The following CNGB3 variants were observed in gnomAD, a reference collection of about 807,000 sequenced individuals.
CNGB3 encodes the protein cyclic nucleotide gated channel subunit beta 3, also known as cyclic nucleotide-gated channel beta-3.
CNGB3 carries 86 observed loss-of-function variants against 92.8 expected under a neutral mutation model. The ratio of observed to expected loss-of-function variants is 0.93; its 90% CI spans 0.78 to 1.11. The LOEUF (loss-of-function observed/expected upper bound fraction) is 1.11. Ranked by LOEUF, CNGB3 falls within the 50% of genes least tolerant of loss-of-function variation. The pLI, the probability that CNGB3 is intolerant of heterozygous loss-of-function variation, is 0.00. For synonymous variants in CNGB3, 333 were observed against 332.7 expected (o/e 1.00, Z -0.01); for missense variants, 1,026 against 956.8 (o/e 1.07, Z -0.95).
chr8:86,671,084 G>C lies in CNGB3; in HGVS notation c.353C>G (p.Pro118Arg). 1.2e-6 allele frequency: 2 copies of C among 1,613,658 alleles called. No individual in the cohort carries two copies. Among genetic ancestry groups the C allele is most frequent in the Non-Finnish European group, 8.5e-7 (1 of 1,179,956 alleles). Residue 118 changes from proline to arginine, a missense_variant, in exon 4 of 18, where the codon CCG (proline) becomes CGG (arginine). Coordinates refer to ENST00000320005, the MANE Select transcript of CNGB3 (RefSeq NM_019098.5). Reference sequence around the variant, plus strand: ...CTCATTTATAACAGGAGCTGCAGGCGGTTTGTTTTGTGGGCTAAATGAGAA... The same window carrying C: ...CTCATTTATAACAGGAGCTGCAGGCCGTTTGTTTTGTGGGCTAAATGAGAA... ...KEGPNSPQNK[P>R]PAAPVINEYA...
At chr8:86,595,398 A>G (rs888022376) in intron 15 of CNGB3, among the ~76,000 whole-genome samples, 1 of 152,220 alleles carries the variant, frequency 6.6e-6, no homozygotes, top group African/African-American at 2.4e-5. Context: ...AATCCTGAGG[A>G]TATTTGAATG....
rs146069501 is a variant in CNGB3, at chr8:86,603,735, C to G, written c.1781+358G>C. Among the ~76,000 whole-genome samples the G allele has an allele frequency of 2.1e-3, 324 of 152,288 alleles. 1 individual carries two copies. Among genetic ancestry groups the G allele is most frequent in the South Asian group, 0.013 (65 of 4,826 alleles). On this transcript the variant is annotated intron_variant, in intron 15 of 17. Coordinates refer to ENST00000320005, the MANE Select transcript of CNGB3 (RefSeq NM_019098.5). Reference sequence around the variant, plus strand: ...CAGCTATGATCACATCACTAGCCTACGCAAGACCCCCTTGTTAGCAAGGCT... The same window carrying G: ...CAGCTATGATCACATCACTAGCCTAGGCAAGACCCCCTTGTTAGCAAGGCT...
Position 86,578,778 on chromosome 8 carries a change from T to A in CNGB3, c.2014A>T (p.Thr672Ser), listed in dbSNP as rs1821705537. The change falls in exon 17 of 18, where the codon ACA becomes TCA. Residue 672 changes from threonine (T) to serine (S), a missense_variant. By Grantham distance (58) the Thr-to-Ser change is moderately conservative. Transcript: ENST00000320005. ...AGGAGAGTTTTAAACAGTTTGGGTG[T>A]CTCTTCTTTCGGTGGGAAGAGGAGG... is the stretch of plus-strand genomic sequence containing the variant. ...LALLFPPKEE[T>S]PKLFKTLLGG... The A allele has an allele frequency of 6.2e-7, 1 of 1,614,016 alleles. No individual in the cohort carries two copies. Among genetic ancestry groups the A allele is most frequent in the African/African-American group, 1.3e-5 (1 of 74,912 alleles).
intron 15 of CNGB3, chr8:86,593,757 G>A: frequency 7.8e-7 from 1 of 1,275,592 alleles, no homozygotes; most frequent in Non-Finnish European, 1.1e-6. Context: ...CACCAGCTCA[G>A]GATGCCAGGG....
At chr8:86,704,439 G>A (rs908509788) in intron 3 of CNGB3, 1 of 152,186 alleles carries the variant, frequency 6.6e-6, no homozygotes, top group Non-Finnish European at 1.5e-5. Flanking sequence ...GGAACAGAAA[G>A]AGAAGAAAAA....
chr8:86,632,903 CAG>C lies in CNGB3; in HGVS notation c.1179-12_1179-11del. Reference sequence around the variant, plus strand: ...ATAACATCTCAGATACCTGTGAAAACAGAAGATATACATTTTGCTTTTTTTCT... The same window carrying C: ...ATAACATCTCAGATACCTGTGAAAACAAGATATACATTTTGCTTTTTTTCT... On this transcript the variant is annotated splice_polypyrimidine_tract_variant and intron_variant, in intron 10 of 17. Coordinates refer to ENST00000320005, the MANE Select transcript of CNGB3 (RefSeq NM_019098.5). The C allele has an allele frequency of 6.2e-7, 1 of 1,611,512 alleles. No individual in the cohort carries two copies. Among genetic ancestry groups the C allele is most frequent in the Non-Finnish European group, 8.5e-7 (1 of 1,179,480 alleles).
intron 3 of CNGB3, among the ~76,000 whole-genome samples, chr8:86,720,591 A>T (rs1258136516): frequency 6.6e-6 from 1 of 152,096 alleles, no homozygotes; most frequent in Non-Finnish European, 1.5e-5. Flanking sequence ...CAGTTTGGAG[A>T]TTCCTTAAAG....
intron 3 of CNGB3, among the ~76,000 whole-genome samples, chr8:86,721,481 T>C (rs191108534): frequency 8.5e-4 from 129 of 152,096 alleles, no homozygotes; most frequent in South Asian, 8.1e-3. Flanking sequence ...CTCAGGATGA[T>C]CTCAGAAATC....
intron 4 of CNGB3, among the ~76,000 whole-genome samples, chr8:86,670,507 A>T (rs932387414): frequency 6.6e-6 from 1 of 152,134 alleles, no homozygotes; most frequent in Non-Finnish European, 1.5e-5. Flanking sequence ...GTAATTTTCA[A>T]GTATGAGCCA....
Position 86,667,100 on chromosome 8 carries a change from G to T in CNGB3, c.677C>A (p.Thr226Asn), listed in dbSNP as rs202240228. The part of the protein sequence containing the change: ...RLYLLWLLLV[T>N]LAYNWNCCFI... ...ACAGCAGTTCCAGTTATAGGCAAGA[G>T]TGACAAGCAAGAGCCACAGGAGATA... The change falls in exon 6 of 18, where the codon ACT (threonine) becomes AAT (asparagine). Residue 226 changes from threonine (T) to asparagine (N), a missense_variant. Coordinates refer to ENST00000320005, the MANE Select transcript of CNGB3 (RefSeq NM_019098.5). The T allele has an allele frequency of 6.3e-5, 101 of 1,613,888 alleles. No homozygotes were observed. Among genetic ancestry groups the T allele is most frequent in the Middle Eastern group, 3.3e-4 (2 of 6,078 alleles).
chr8:86,624,645 C>G (rs1822809690), intron 13 of CNGB3, among the ~76,000 whole-genome samples: 1 of 152,158 alleles, frequency 6.6e-6, no homozygotes, highest in African/African-American at 2.4e-5. Context: ...ATTCCTCTCT[C>G]TCCTCTCCCA....
At chr8:86,720,372 C>T (rs1321869978) in intron 3 of CNGB3, among the ~76,000 whole-genome samples, 2 of 151,414 alleles carry the variant, frequency 1.3e-5, no homozygotes, top group Admixed American at 1.3e-4. Flanking sequence ...AGAAGATATA[C>T]AAATGGCCAA....
chr8:86,658,147 G>T, intron 6 of CNGB3: 1 of 535,128 alleles, frequency 1.9e-6, no homozygotes. Flanking sequence ...TGCTGCCTCT[G>T]GCTCCTTCTG....
intron 12 of CNGB3, 76 bp from the exon 13 acceptor site, chr8:86,626,156 A>C: frequency 8.7e-7 from 1 of 1,143,138 alleles, no homozygotes; most frequent in Non-Finnish European, 1.3e-6. Context: ...AAGTAGAAAA[A>C]TTTTTAAAAT....
intron 10 of CNGB3, among the ~76,000 whole-genome samples, chr8:86,636,575 A>C (rs2131588832): frequency 1.1e-5 from 1 of 91,012 alleles, no homozygotes; most frequent in South Asian, 4.5e-4. Flanking sequence ...CCTGTCTCAA[A>C]AAAAAAAAAA....
At chr8:86,626,996 C>CT (rs1464576923) in intron 12 of CNGB3, among the ~76,000 whole-genome samples, 1 of 151,780 alleles carries the variant, frequency 6.6e-6, no homozygotes, top group East Asian at 1.9e-4. Flanking sequence ...TGATCCTGTC[C>CT]CTCTACCCAC....
chr8:86,649,480 C>G (rs13254705), intron 7 of CNGB3, among the ~76,000 whole-genome samples: 9,093 of 151,374 alleles, frequency 0.06, 301 homozygotes, highest in South Asian at 0.12. Flanking sequence ...AATAGAGAAC[C>G]CAGAAATAAA....
At chr8:86,693,264 A>G (rs1213153558) in intron 3 of CNGB3, among the ~76,000 whole-genome samples, 3 of 151,924 alleles carry the variant, frequency 2.0e-5, no homozygotes, top group Admixed American at 2.0e-4. Flanking sequence ...TTATATTTGG[A>G]TGTCTAGATA....
intron 15 of CNGB3, among the ~76,000 whole-genome samples, chr8:86,589,838 G>A (rs1821986763): frequency 6.6e-6 from 1 of 152,040 alleles, no homozygotes; most frequent in Non-Finnish European, 1.5e-5. Flanking sequence ...GGAGAGTTCT[G>A]TAGATGTCTA....
Sources: gnomAD v4.1 joint callset for allele counts (sites outside exome capture counted in the v4.1 genomes callset) on GRCh38, gnomAD v4.1.1 for gene constraint, MANE v1.5 for transcripts, NCBI Gene and HGNC (gene_info 2026-07-23, HGNC 2026-07-21) for gene names.